Variants in PCDH7 observed in about 807,000 individuals in gnomAD.
PCDH7 encodes protocadherin-7.
Under a neutral mutation model 58.9 loss-of-function variants are expected in PCDH7, and 17 were observed. The observed-to-expected ratio is 0.29, with a 90% CI of 0.20 to 0.43. PCDH7 has a LOEUF of 0.43. PCDH7 is among the 20% of genes least tolerant of loss of function. The pLI, the probability that PCDH7 is intolerant of heterozygous loss-of-function variation, is 1.00. For missense variants in PCDH7, 1,274 were observed against 1,441.0 expected (o/e 0.88, Z 1.88); for synonymous variants, 664 against 616.4 (o/e 1.08, Z -1.14).
chr4:30,783,600 G>T (rs958341067), intron 1 of PCDH7, among the ~76,000 whole-genome samples: 1 of 152,198 alleles, frequency 6.6e-6, no homozygotes, highest in Non-Finnish European at 1.5e-5. Context: ...ATATTTCCCT[G>T]TCTGTGGTTT....
At chr4:30,927,131 C>T (rs2109421814) in intron 2 of PCDH7, among the ~76,000 whole-genome samples, 1 of 152,236 alleles carries the variant, frequency 6.6e-6, no homozygotes, top group South Asian at 2.1e-4. Flanking sequence ...TCCAGACTCC[C>T]AAAGCTTTTG....
intron 3 of PCDH7, among the ~76,000 whole-genome samples, chr4:31,061,477 G>A (rs1020097706): frequency 6.0e-5 from 9 of 151,212 alleles, no homozygotes; most frequent in African/African-American, 1.9e-4. Flanking sequence ...TTGTCCCTAA[G>A]ACTATTACTA....
In PCDH7 at chr4:30,721,050, T is replaced by G; in HGVS notation, c.-373T>G. The G allele has an allele frequency of 4.5e-6, 1 of 220,196 alleles. No individual in the cohort carries two copies. The highest frequency in any genetic ancestry group is 1.1e-4 in the East Asian group (1 of 9,384). 13.6% of individuals were successfully genotyped at this position (220,196 alleles called of 1,614,324 possible). On this transcript the variant is annotated 5_prime_UTR_variant, in exon 1 of 2. Transcript: ENST00000361762. This position sits in a 1 kb window ranked among gnomAD's most constrained non-coding sequence, Gnocchi z 6.7. ...ACAGAGCGGGGACTAGAGCCGGGGA[T>G]TCTCCGCCCGCTGAGGGGATGACTC...
At chr4:30,867,489 A>G (rs529963409) in intron 1 of PCDH7, among the ~76,000 whole-genome samples, 16 of 152,124 alleles carry the variant, frequency 1.1e-4, no homozygotes, top group South Asian at 6.2e-4. Context: ...AAGATGGTAC[A>G]TGATGTACTC....
chr4:30,970,024 A>G (rs193237996), intron 3 of PCDH7, among the ~76,000 whole-genome samples: 10 of 152,318 alleles, frequency 6.6e-5, no homozygotes, highest in Admixed American at 6.5e-4. Context: ...CACATGAGAA[A>G]CTGAGGCTTA....
At chr4:30,996,800 GT>G (rs895795168) in intron 3 of PCDH7, among the ~76,000 whole-genome samples, 2 of 152,106 alleles carry the variant, frequency 1.3e-5, no homozygotes, top group African/African-American at 4.8e-5. Context: ...TGGCCATTGA[GT>G]TTTTTCTTTT....
At chr4:30,749,363 A>G (rs952865599) in intron 1 of PCDH7, among the ~76,000 whole-genome samples, 1 of 152,142 alleles carries the variant, frequency 6.6e-6, no homozygotes, top group Non-Finnish European at 1.5e-5. Context: ...GAATGAGAAA[A>G]TTTCAATCGG....
At chr4:31,146,707 T>C (rs1720703290), downstream of PCDH7, 3 of 152,166 alleles carry the variant, frequency 2.0e-5, no homozygotes, top group South Asian at 6.2e-4. Flanking sequence ...TGAAATACTT[T>C]GCATAATTTA....
At chr4:30,872,804 A>C (rs1475936564) in intron 1 of PCDH7, among the ~76,000 whole-genome samples, 2 of 152,070 alleles carry the variant, frequency 1.3e-5, no homozygotes, top group Non-Finnish European at 2.9e-5. Context: ...CATGTTCCTT[A>C]ATATCACTGT....
chr4:31,120,525 T>A (rs1410801331), intron 3 of PCDH7, among the ~76,000 whole-genome samples: 5 of 150,830 alleles, frequency 3.3e-5, no homozygotes, highest in Admixed American at 6.6e-5. Flanking sequence ...GAGGAGATGA[T>A]AAAATCAGGA....
chr4:30,863,741 GCA>G (rs1470305192), intron 1 of PCDH7, among the ~76,000 whole-genome samples: 4 of 151,986 alleles, frequency 2.6e-5, no homozygotes, highest in African/African-American at 9.7e-5. Context: ...TTGAAGTTTG[GCA>G]CACACAAAAA....
chr4:31,140,797 G>A (rs1720158097), intron 3 of PCDH7, among the ~76,000 whole-genome samples: 2 of 152,026 alleles, frequency 1.3e-5, no homozygotes, highest in African/African-American at 4.8e-5. Context: ...AAAAATGAGT[G>A]GGAAAGTACT....
chr4:31,054,848 A>C (rs545011846), intron 3 of PCDH7, among the ~76,000 whole-genome samples: 1 of 152,156 alleles, frequency 6.6e-6, no homozygotes, highest in East Asian at 1.9e-4. Flanking sequence ...AATTCATTGA[A>C]TATTTTCTTC....
At chr4:31,090,300 A>T (rs1359188782) in intron 3 of PCDH7, among the ~76,000 whole-genome samples, 1 of 152,106 alleles carries the variant, frequency 6.6e-6, no homozygotes, top group East Asian at 1.9e-4. Context: ...GGTACATAGT[A>T]GATGTATACA....
intron 1 of PCDH7, among the ~76,000 whole-genome samples, chr4:30,914,173 C>A (rs969142173): frequency 4.6e-5 from 7 of 152,104 alleles, no homozygotes; most frequent in African/African-American, 1.7e-4. Flanking sequence ...AAGGAGAGAA[C>A]AATGTTCATT....
chr4:30,898,197 G>A (rs1739701991), intron 1 of PCDH7, among the ~76,000 whole-genome samples: 1 of 152,110 alleles, frequency 6.6e-6, no homozygotes, highest in Non-Finnish European at 1.5e-5. Context: ...TGCATTTGAG[G>A]GGCCTTTATT....
chr4:30,859,894 GTC>G, intron 1 of PCDH7, among the ~76,000 whole-genome samples: 1 of 152,136 alleles, frequency 6.6e-6, no homozygotes, highest in South Asian at 2.1e-4. Context: ...AGAGAAAGAA[GTC>G]TCTCAACGAA....
chr4:30,996,008 G>C (rs1268807342), intron 3 of PCDH7, among the ~76,000 whole-genome samples: 1 of 152,246 alleles, frequency 6.6e-6, no homozygotes, highest in African/African-American at 2.4e-5. Context: ...ATCAGGACAT[G>C]CACCTCTTTG....
At chr4:30,973,124 A>C (rs978254913) in intron 3 of PCDH7, among the ~76,000 whole-genome samples, 10 of 152,208 alleles carry the variant, frequency 6.6e-5, no homozygotes, top group African/African-American at 2.4e-4. Flanking sequence ...TTGCCTTTAA[A>C]TGGCCAAGTG....
Sources: gnomAD v4.1 joint callset for allele counts (sites outside exome capture counted in the v4.1 genomes callset) on GRCh38, gnomAD v4.1.1 for gene constraint, Gnocchi (gnomAD v3.1) non-coding constraint, MANE v1.5 for transcripts, NCBI Gene and HGNC (gene_info 2026-07-23, HGNC 2026-07-21) for gene names.